Variants in TLN2 observed in about 807,000 individuals in gnomAD.
TLN2 encodes the protein talin 2, also known as talin-2.
TLN2 carries 118 observed loss-of-function variants against 294.7 expected under a neutral mutation model. The observed-to-expected ratio is 0.40, with a 90% CI of 0.34 to 0.47. The LOEUF is 0.47. TLN2 is among the 20% of genes least tolerant of loss of function. The pLI, the probability that TLN2 is intolerant of heterozygous loss-of-function variation, is 0.84. For missense variants in TLN2, 3,083 were observed against 3,282.2 expected (o/e 0.94, Z 1.48); for synonymous variants, 1,431 against 1,304.5 (o/e 1.10, Z -2.09).
At chr15:62,496,526 G>GTCT (rs201669391) in intron 1 of TLN2, among the ~76,000 whole-genome samples, 1 of 94,414 alleles carries the variant, frequency 1.1e-5, no homozygotes, top group Non-Finnish European at 2.1e-5. Flanking sequence ...GCAGCTTCCC[G>GTCT]TCTTGGAGCT....
chr15:62,717,606 A>G lies in TLN2; in HGVS notation c.2794A>G (p.Thr932Ala). The G allele has an allele frequency of 1.9e-6, 3 of 1,600,600 alleles. No homozygotes were observed. The highest frequency in any genetic ancestry group is 2.6e-6 in the Non-Finnish European group (3 of 1,174,622). ...AGCCAAGCAGGCCGCAGCGGCAGCC[A>G]CACAGACCATCGCCGCCTCCCAGAA... is the stretch of plus-strand genomic sequence containing the variant. ...VAAKQAAAAA[T>A]QTIAASQNAA... Residue 932 changes from threonine (T) to alanine (A), a missense_variant, in exon 24 of 59, where the codon ACA (threonine) becomes GCA (alanine). Thr to Ala is a moderately conservative substitution (Grantham distance 58, BLOSUM62 0). Transcript: ENST00000636159.
intron 11 of TLN2, among the ~76,000 whole-genome samples, chr15:62,683,758 G>C (rs2057059057): frequency 6.6e-6 from 1 of 152,172 alleles, no homozygotes; most frequent in Non-Finnish European, 1.5e-5. Context: ...GCCTGCTTTA[G>C]CCTGCTTTGT....
At chr15:62,395,900 A>T (rs1566939815) in intron 1 of TLN2, among the ~76,000 whole-genome samples, 1 of 152,008 alleles carries the variant, frequency 6.6e-6, no homozygotes, top group Admixed American at 6.5e-5. Flanking sequence ...CAGTGGCTTG[A>T]TGTGGGCTCA....
At chr15:62,523,995 A>G (rs1237020758) in intron 1 of TLN2, among the ~76,000 whole-genome samples, 1 of 152,258 alleles carries the variant, frequency 6.6e-6, no homozygotes, top group Admixed American at 6.5e-5. Context: ...TATCCAGGTT[A>G]CTAGTATTAG....
chr15:62,484,425 T>G (rs1006684796), intron 1 of TLN2, among the ~76,000 whole-genome samples: 1 of 149,192 alleles, frequency 6.7e-6, no homozygotes, highest in African/African-American at 2.5e-5. Flanking sequence ...AGGACCATGG[T>G]TTTTTTTTTC....
intron 1 of TLN2, among the ~76,000 whole-genome samples, chr15:62,423,501 C>T (rs962202665): frequency 2.6e-5 from 4 of 152,168 alleles, no homozygotes; most frequent in African/African-American, 9.7e-5. Context: ...TGTGCGTGAA[C>T]ATATGGTCAC....
Position 62,701,172 on chromosome 15 carries a change from G to T in TLN2, c.1654G>T (p.Ala552Ser). The T allele has an allele frequency of 6.2e-7, 1 of 1,614,116 alleles. No homozygotes were observed. Among genetic ancestry groups the T allele is most frequent in the Non-Finnish European group, 8.5e-7 (1 of 1,180,030 alleles). The change falls in exon 17 of 59, where the codon GCT becomes TCT. Residue 552 changes from alanine (A) to serine (S), a missense_variant. Ala to Ser is a moderately conservative substitution (Grantham distance 99). Transcript: ENST00000636159. ...ACACGAAATCCATTCTCAAGTTGAT[G>T]CTATCACGGCCGGAACGGCTTCAGT... ...SKHEIHSQVD[A>S]ITAGTASVVN...
chr15:62,501,249 G>A (rs951478910), intron 1 of TLN2, among the ~76,000 whole-genome samples: 2 of 152,098 alleles, frequency 1.3e-5, no homozygotes, highest in Admixed American at 1.3e-4. Flanking sequence ...AGTGGATTGG[G>A]TCATCTTTTG....
At chr15:62,620,051 C>T (rs2048655316) in intron 3 of TLN2, among the ~76,000 whole-genome samples, 1 of 152,168 alleles carries the variant, frequency 6.6e-6, no homozygotes, top group African/African-American at 2.4e-5. Flanking sequence ...TTATGGCTCA[C>T]TTCAGACTCA....
chr15:62,586,266 C>T (rs1191087843), intron 1 of TLN2, among the ~76,000 whole-genome samples: 1 of 152,186 alleles, frequency 6.6e-6, no homozygotes, highest in East Asian at 1.9e-4. Flanking sequence ...TTTGGAGTCG[C>T]AGATGCTTAA....
intron 3 of TLN2, among the ~76,000 whole-genome samples, chr15:62,631,699 T>C (rs1268157791): frequency 3.4e-5 from 5 of 146,558 alleles, no homozygotes; most frequent in Non-Finnish European, 6.1e-5. Context: ...CTTTCTTTCT[T>C]TCTCTCCCTC....
At chr15:62,541,654 A>G (rs539278561) in intron 1 of TLN2, among the ~76,000 whole-genome samples, 9 of 152,286 alleles carry the variant, frequency 5.9e-5, no homozygotes, top group South Asian at 2.1e-4. Flanking sequence ...AGAATGAGCC[A>G]TAGACGGCAC....
At chr15:62,572,246 T>A (rs1025458162) in intron 1 of TLN2, among the ~76,000 whole-genome samples, 5 of 152,126 alleles carry the variant, frequency 3.3e-5, no homozygotes, top group Non-Finnish European at 2.9e-5. Context: ...CCTTTTTTTT[T>A]TTATTTTTAA....
intron 14 of TLN2, among the ~76,000 whole-genome samples, chr15:62,697,362 G>A (rs1210638972): frequency 1.3e-5 from 2 of 152,142 alleles, no homozygotes; most frequent in East Asian, 3.8e-4. Context: ...TTCCCATTTG[G>A]CCTCCAAAAG....
intron 1 of TLN2, among the ~76,000 whole-genome samples, chr15:62,569,972 C>T (rs960695797): frequency 6.6e-6 from 1 of 152,140 alleles, no homozygotes; most frequent in Non-Finnish European, 1.5e-5. Context: ...TGCCTTGTTC[C>T]GGTCAAGGCT....
At chr15:62,765,803 A>G (rs1481557790) in intron 40 of TLN2, among the ~76,000 whole-genome samples, 5 of 152,220 alleles carry the variant, frequency 3.3e-5, no homozygotes, top group Non-Finnish European at 7.3e-5. Flanking sequence ...TACCAAACAC[A>G]GTGGACTGAG....
intron 1 of TLN2, among the ~76,000 whole-genome samples, chr15:62,486,941 G>A (rs1003192329): frequency 5.9e-5 from 9 of 152,052 alleles, no homozygotes; most frequent in African/African-American, 1.4e-4. Context: ...TAAATTGCCT[G>A]AGATTTGAAC....
At chr15:62,799,223 G>A (rs1275703693) in intron 48 of TLN2, among the ~76,000 whole-genome samples, 1 of 152,170 alleles carries the variant, frequency 6.6e-6, no homozygotes, top group Non-Finnish European at 1.5e-5. Context: ...CTGGGAGTGT[G>A]GACATAAGGG....
intron 45 of TLN2, among the ~76,000 whole-genome samples, chr15:62,792,328 C>T (rs2065131228): frequency 6.6e-6 from 1 of 152,218 alleles, no homozygotes. Flanking sequence ...CAAAGTTCCT[C>T]TAATTAACAT....
Sources: allele counts gnomAD v4.1 joint callset (sites outside exome capture counted in the v4.1 genomes callset), GRCh38; gene constraint gnomAD v4.1.1; transcripts MANE v1.5; gene names NCBI Gene and HGNC (gene_info 2026-07-23, HGNC 2026-07-21).